Variants in TAF15 observed in about 807,000 individuals in gnomAD.
The protein encoded by TAF15 is TATA-box binding protein associated factor 15, also known as TATA-binding protein-associated factor 2N.
A neutral mutation model predicts 102.5 loss-of-function variants in TAF15; 37 were observed. That is an observed-to-expected ratio of 0.36 (90% CI 0.28 to 0.47). TAF15 has a LOEUF of 0.47. Among genes scored for constraint, TAF15 ranks in the 20% least tolerant of loss-of-function variants. The pLI, the probability that TAF15 is intolerant of heterozygous loss-of-function variation, is 0.99. For synonymous variants in TAF15, 273 were observed against 259.2 expected, an observed-to-expected ratio of 1.05 and a Z score of -0.51; for missense variants, 652 against 760.7, an observed-to-expected ratio of 0.86 and a Z score of 1.68.
intron 7 of TAF15, 91 bp from the exon 8 acceptor site, chr17:35,833,816 C>A: frequency 7.5e-7 from 1 of 1,331,268 alleles, no homozygotes; most frequent in South Asian, 1.2e-5. Flanking sequence ...CCTAAGCACT[C>A]TACTTGTGAC....
chr17:35,818,944 C>T (rs1040543315), intron 2 of TAF15, among the ~76,000 whole-genome samples: 2 of 152,110 alleles, frequency 1.3e-5, no homozygotes, highest in African/African-American at 4.8e-5. Context: ...AAATATTAAG[C>T]GTTTTTTTAG....
intron 10 of TAF15, among the ~76,000 whole-genome samples, chr17:35,836,689 C>A (rs2143809658): frequency 6.6e-6 from 1 of 152,244 alleles, no homozygotes. Flanking sequence ...TTTTTCATCT[C>A]TTCAACTAGA....
chr17:35,810,861 G>C (rs774987207), intron 1 of TAF15: 4 of 152,200 alleles, frequency 2.6e-5, no homozygotes. Context: ...CCAGGATATT[G>C]ATTTGTTTTT....
At chr17:35,846,872 G>T (rs2087629344) in intron 15 of TAF15, 34 bp from the exon 16 acceptor site, 1 of 1,613,702 alleles carries the variant, frequency 6.2e-7, no homozygotes, top group African/African-American at 1.3e-5. Context: ...TAGAAAATTA[G>T]AATTTAGTCC....
At chr17:35,814,672 GTGAAAC>G (rs1598517235) in intron 1 of TAF15, among the ~76,000 whole-genome samples, 1 of 151,852 alleles carries the variant, frequency 6.6e-6, no homozygotes, top group African/African-American at 2.4e-5. Context: ...GGTCAACATG[GTGAAAC>G]TCCATCTCTA....
chr17:35,840,049 A>C (rs1043264392), intron 11 of TAF15, among the ~76,000 whole-genome samples: 2 of 152,042 alleles, frequency 1.3e-5, no homozygotes, highest in African/African-American at 4.8e-5. Flanking sequence ...TTTTACAGAG[A>C]GTGAAACTGA....
At chr17:35,827,350 A>T (rs899543286) in intron 7 of TAF15, among the ~76,000 whole-genome samples, 2 of 151,926 alleles carry the variant, frequency 1.3e-5, no homozygotes, top group African/African-American at 2.4e-5. Context: ...AAAAAAAAAA[A>T]AATAGTTCTT....
At chr17:35,840,628 G>T (rs184403582) in intron 11 of TAF15, among the ~76,000 whole-genome samples, 1 of 152,008 alleles carries the variant, frequency 6.6e-6, no homozygotes, top group Non-Finnish European at 1.5e-5. Flanking sequence ...CACTTTGGGA[G>T]GCTGAGGCAG....
chr17:35,817,577 A>G lies in TAF15; in HGVS notation c.8-139A>G, dbSNP rs145048135. 4.5e-5 allele frequency: 33 copies of G among 730,098 alleles called. No individual in the cohort carries two copies. In the African/African-American group the frequency reaches 4.7e-4, roughly 10 times the overall value. 45.2% of individuals were successfully genotyped at this position (730,098 alleles called of 1,614,324 possible). On this transcript the variant is annotated intron_variant, in intron 1 of 15. Transcript: ENST00000605844. ...ACTATTTGTACAAATTTCTTGTTTC[A>G]TAGTATTTAACTTGAGTTAGTTTTT...
chr17:35,813,117 CAAAAAAAAAAA>C lies in TAF15; in HGVS notation c.7+3553_7+3563del, dbSNP rs55754009. 4.0e-3 allele frequency among the ~76,000 whole-genome samples: 233 copies of C among 58,944 alleles called. 1 individual carries two copies. The highest frequency in any genetic ancestry group is 5.4e-3 in the Non-Finnish European group (138 of 25,502). The allele number at this position is 58,944 out of a possible 152,430, so 38.7% of individuals were successfully genotyped here. A position where few individuals can be genotyped will look rare whatever the true frequency, so the allele number is the denominator to read the frequency against. On this transcript the variant is annotated intron_variant, in intron 1 of 15. Coordinates refer to ENST00000605844, the MANE Select transcript of TAF15 (RefSeq NM_139215.3). ...TGGGTGACAGAGCAAGACTCTGTCTCAAAAAAAAAAAAAAAAAAAAAAGATCAAGGTGTTAA... is the reference window on the plus strand; with the variant it reads ...TGGGTGACAGAGCAAGACTCTGTCTCAAAAAAAAAAAGATCAAGGTGTTAA...
At position 35,817,767 on chromosome 17, in the gene TAF15, A is replaced by G. The variant is rs200797802; in HGVS notation, c.47+12A>G. The G allele has an allele frequency of 6.2e-6, 10 of 1,611,714 alleles. No homozygotes were observed. Among genetic ancestry groups the G allele is most frequent in the Non-Finnish European group, 7.6e-6 (9 of 1,177,814 alleles). On this transcript the variant is annotated intron_variant, in intron 2 of 15. Transcript: ENST00000605844. ...GGTGAGCAGCAAAGGTAAAGTATAC[A>G]TACATTTTAATAATATGAAAGGGTA... is the stretch of plus-strand genomic sequence containing the variant.
chr17:35,822,350 A>T (rs942143881), intron 5 of TAF15, among the ~76,000 whole-genome samples: 1 of 152,042 alleles, frequency 6.6e-6, no homozygotes, highest in African/African-American at 2.4e-5. Flanking sequence ...GTCTCAAAAA[A>T]AAAAAAAAAA....
chr17:35,815,265 C>G (rs887169782), intron 1 of TAF15, among the ~76,000 whole-genome samples: 4 of 152,152 alleles, frequency 2.6e-5, no homozygotes, highest in Non-Finnish European at 5.9e-5. Context: ...AATTTAAATT[C>G]GTAGGTCCAG....
chr17:35,822,251 G>A (rs2087269364), intron 5 of TAF15, among the ~76,000 whole-genome samples: 2 of 150,720 alleles, frequency 1.3e-5, no homozygotes, highest in Non-Finnish European at 2.9e-5. Context: ...TGAGGCAGGA[G>A]AATTGCTTGA....
Position 35,844,004 on chromosome 17 carries a change from T to G in TAF15, c.1007-73T>G, listed in dbSNP as rs575140713. The G allele has an allele frequency of 2.9e-5, 38 of 1,313,040 alleles. 2 individuals carry two copies. In the Middle Eastern group the frequency reaches 6.9e-4, roughly 24 times the overall value. 81.3% of individuals were successfully genotyped at this position (1,313,040 alleles called of 1,614,324 possible). A position where few individuals can be genotyped will look rare whatever the true frequency, so the allele number is the denominator to read the frequency against. On this transcript the variant is annotated intron_variant, in intron 12 of 15. Transcript: ENST00000605844. Reference sequence around the variant, plus strand: ...AAGTATTGATGGGTATCTACTCTTATGTTATCTGATGCTTTTCTTCTGTTT... The same window carrying G: ...AAGTATTGATGGGTATCTACTCTTAGGTTATCTGATGCTTTTCTTCTGTTT...
At chr17:35,829,642 AAAAAAAAAAAAAAAG>A (rs1036638757) in intron 7 of TAF15, among the ~76,000 whole-genome samples, 10 of 143,252 alleles carry the variant, frequency 7.0e-5, no homozygotes, top group Non-Finnish European at 1.4e-4. Flanking sequence ...AAAAAAAAAA[AAAAAAAAAAAAAAAG>A]AGAGAGAGAG....
intron 11 of TAF15, among the ~76,000 whole-genome samples, chr17:35,839,989 C>G (rs1165811907): frequency 6.6e-6 from 1 of 152,074 alleles, no homozygotes; most frequent in Non-Finnish European, 1.5e-5. Context: ...CGCATTAACT[C>G]AATTTAATCT....
At chr17:35,811,801 A>T (rs2087127143) in intron 1 of TAF15, among the ~76,000 whole-genome samples, 1 of 152,274 alleles carries the variant, frequency 6.6e-6, no homozygotes, top group Non-Finnish European at 1.5e-5. Context: ...AATTCAAATC[A>T]GTTACACACA....
chr17:35,812,770 T>G (rs554773216), intron 1 of TAF15, among the ~76,000 whole-genome samples: 5 of 152,132 alleles, frequency 3.3e-5, no homozygotes, highest in South Asian at 2.1e-4. Context: ...TCTAACAGAT[T>G]ATCTGAGAGA....
Sources: allele counts gnomAD v4.1 joint callset (sites outside exome capture counted in the v4.1 genomes callset), GRCh38; gene constraint gnomAD v4.1.1; transcripts MANE v1.5; gene names NCBI Gene and HGNC (gene_info 2026-07-23, HGNC 2026-07-21).